Variants in CRYBG2 observed in about 807,000 individuals in gnomAD.
CRYBG2 encodes crystallin beta-gamma domain containing 2, also known as beta/gamma crystallin domain-containing protein 2.
CRYBG2 carries 106 observed loss-of-function variants against 153.4 expected under a neutral mutation model. That is an observed-to-expected ratio of 0.69 (90% confidence interval 0.59 to 0.81). CRYBG2 has a LOEUF of 0.81. Ranked by LOEUF, CRYBG2 falls within the 30% of genes least tolerant of loss-of-function variation. The pLI, the probability that CRYBG2 is intolerant of heterozygous loss-of-function variation, is 0.00. For synonymous variants in CRYBG2, 851 were observed against 877.8 expected (o/e 0.97, Z 0.54); for missense variants, 1,996 against 2,112.0 (o/e 0.95, Z 1.08).
chr1:26,344,159 TTCCTCC>T lies in CRYBG2; in HGVS notation c.2493_2498del (p.Glu832_Glu833del), dbSNP rs199784730. On this transcript the variant is annotated inframe_deletion, in exon 2 of 20. Transcript: ENST00000308182. ...CGTCACTCAGATAGGGGTTCTCTGG[TTCCTCC>T]TCCTCCTCCTCCTCTTTCTCTTCCA... is the stretch of plus-strand genomic sequence containing the variant. 2.6e-6 allele frequency: 4 copies of T among 1,535,086 alleles called. No homozygotes were observed. Among genetic ancestry groups the T allele is most frequent in the Non-Finnish European group, 2.6e-6 (3 of 1,146,100 alleles).
At position 26,346,330 on chromosome 1, in the gene CRYBG2, G is replaced by T; in HGVS notation, c.328C>A (p.Pro110Thr). Residue 110 changes from proline (P) to threonine (T), a missense_variant, in exon 2 of 20, where the codon CCT becomes ACT. Physicochemically the swap from Pro to Thr is conservative, Grantham distance 38. Coordinates refer to ENST00000308182, the MANE Select transcript of CRYBG2 (RefSeq NM_001039775.4). The surrounding 1 kb of genome is among the most constrained non-coding windows in gnomAD (Gnocchi z 4.9). ...KYIPPPKEKRPEGRLKEAVDQ... is the reference protein window; with the variant it reads ...KYIPPPKEKRTEGRLKEAVDQ... ...ACAGCCTCCTTCAGCCTCCCCTCAG[G>T]CCTTTTCTCCTTGGGAGGTGGTATG... is the stretch of plus-strand genomic sequence containing the variant. 6.3e-7 allele frequency: 1 copy of T among 1,599,428 alleles called. No individual in the cohort carries two copies. Among genetic ancestry groups the T allele is most frequent in the Non-Finnish European group, 8.5e-7 (1 of 1,179,780 alleles).
At position 26,337,559 on chromosome 1, in the gene CRYBG2, G is replaced by T; in HGVS notation, c.3623C>A (p.Ser1208Tyr). The T allele has an allele frequency of 6.2e-7, 1 of 1,612,648 alleles. No homozygotes were observed. ...TCACCAGCCTCCGAGAACTCTCAGGGACCCCACAGAGGCCAGGTGGGGGCT... is the reference window on the plus strand; with the variant it reads ...TCACCAGCCTCCGAGAACTCTCAGGTACCCCACAGAGGCCAGGTGGGGGCT... ...SQSPHLASVG[S>Y]LRVLGGCWVG... Residue 1208 changes from serine (S) to tyrosine (Y), a missense_variant, in exon 9 of 20, where the codon TCC (serine) becomes TAC (tyrosine). Coordinates refer to ENST00000308182, the MANE Select transcript of CRYBG2 (RefSeq NM_001039775.4).
chr1:26,328,349 T>A lies in CRYBG2; in HGVS notation c.4455-17A>T. 6.4e-7 allele frequency: 1 copy of A among 1,563,110 alleles called. No homozygotes were observed. Among genetic ancestry groups the A allele is most frequent in the South Asian group, 1.2e-5 (1 of 85,298 alleles). On this transcript the variant is annotated splice_polypyrimidine_tract_variant and intron_variant, in intron 16 of 19. Coordinates refer to ENST00000308182, the MANE Select transcript of CRYBG2 (RefSeq NM_001039775.4). ...AGCACCCAACTGGGCCCAGCAGGTG[T>A]CAGGGACACAGAGAAGAGCACAGAC...
chr1:26,323,197 C>T (rs953806985), intron 18 of CRYBG2, among the ~76,000 whole-genome samples: 5 of 151,872 alleles, frequency 3.3e-5, no homozygotes, highest in Admixed American at 6.6e-5. Context: ...CCTCCCACCT[C>T]GGCCTCCTGA....
chr1:26,324,023 T>G, intron 18 of CRYBG2, 129 bp downstream of exon 18: 1 of 972,470 alleles, frequency 1.0e-6, no homozygotes, highest in Non-Finnish European at 1.5e-6. Flanking sequence ...CAGTCTGCAC[T>G]CTCCCTCTCC....
intron 1 of CRYBG2, among the ~76,000 whole-genome samples, chr1:26,352,504 C>T (rs545222823): frequency 2.0e-5 from 3 of 152,290 alleles, no homozygotes; most frequent in East Asian, 3.9e-4. Context: ...TGGATGCACA[C>T]GTATCTTACA....
chr1:26,347,299 T>TTG, intron 1 of CRYBG2, among the ~76,000 whole-genome samples: 1 of 139,232 alleles, frequency 7.2e-6, no homozygotes, highest in Non-Finnish European at 1.6e-5. Context: ...TTTTTTTTTT[T>TTG]TTTTTTTTTT....
chr1:26,328,755 G>C lies in CRYBG2; in HGVS notation c.4433C>G (p.Ser1478Cys), dbSNP rs754188473. ...QAEGFNNHVL[S>C]VRIKGGIWVL... ...TCACATGCCCCCCTTGATCCGCACA[G>C]ACAGCACATGGTTGTTGAAGCCCTC... is the stretch of plus-strand genomic sequence containing the variant. The change falls in exon 16 of 20, where the codon TCT becomes TGT. Residue 1478 changes from serine to cysteine, a missense_variant. Physicochemically the swap from Ser to Cys is moderately radical, Grantham distance 112. Coordinates refer to ENST00000308182, the MANE Select transcript of CRYBG2 (RefSeq NM_001039775.4). 6.2e-7 allele frequency: 1 copy of C among 1,613,952 alleles called. No homozygotes were observed.
Position 26,346,057 on chromosome 1 carries a change from C to G in CRYBG2, c.601G>C (p.Val201Leu). The change falls in exon 2 of 20, where the codon GTG (valine) becomes CTG (leucine). Residue 201 changes from valine to leucine, a missense_variant. Val to Leu is a conservative substitution (Grantham distance 32). Coordinates refer to ENST00000308182, the MANE Select transcript of CRYBG2 (RefSeq NM_001039775.4). This position sits in a 1 kb window ranked among gnomAD's most constrained non-coding sequence, Gnocchi z 4.9. ...RMSSSVTVRP[V>L]SSGEALPRGR... ...CGTGGCAGGGCCTCGCCTGAGGACA[C>G]TGGCCTCACAGTCACAGAGCTGCTC... 1 of 1,588,782 alleles carries G rather than the reference C, an allele frequency of 6.3e-7. No individual in the cohort carries two copies. The highest frequency in any genetic ancestry group is 8.5e-7 in the Non-Finnish European group (1 of 1,174,108).
intron 18 of CRYBG2, among the ~76,000 whole-genome samples, chr1:26,323,481 C>T (rs1341443322): frequency 6.6e-5 from 10 of 152,142 alleles, no homozygotes; most frequent in Non-Finnish European, 1.5e-4. Flanking sequence ...CTATCTCTCC[C>T]CACTAGGATG....
rs767901856 is a variant in CRYBG2 at position 26,336,806 on chromosome 1, G to C, written c.3911+35C>G. 1.3e-6 allele frequency: 2 copies of C among 1,553,046 alleles called. No homozygotes were observed. Among genetic ancestry groups the C allele is most frequent in the Middle Eastern group, 1.9e-4 (1 of 5,278 alleles). On this transcript the variant is annotated intron_variant, in intron 11 of 19. Coordinates refer to ENST00000308182, the MANE Select transcript of CRYBG2 (RefSeq NM_001039775.4). The surrounding 1 kb of genome is among the most constrained non-coding windows in gnomAD (Gnocchi z 4.9). Reference sequence around the variant, plus strand: ...TCCTGGAACCGCCCCCGGCTCGCCCGGGCCCGCCCCGCTCCCGGAGCCCGG... The same window carrying C: ...TCCTGGAACCGCCCCCGGCTCGCCCCGGCCCGCCCCGCTCCCGGAGCCCGG...
intron 17 of CRYBG2, chr1:26,326,811 CA>C: frequency 1.9e-6 from 1 of 515,588 alleles, no homozygotes; most frequent in South Asian, 1.4e-5. Flanking sequence ...GGGAAAGCAC[CA>C]AAATCTGCAT....
chr1:26,328,987 C>A, intron 15 of CRYBG2, 114 bp from the exon 16 acceptor site: 1 of 1,323,796 alleles, frequency 7.6e-7, no homozygotes, highest in East Asian at 2.5e-5. Context: ...TTCTTCCCTC[C>A]TGAGCTCAGT....
intron 14 of CRYBG2, among the ~76,000 whole-genome samples, chr1:26,335,219 G>A (rs1167027332): frequency 6.6e-6 from 1 of 152,100 alleles, no homozygotes; most frequent in East Asian, 1.9e-4. Flanking sequence ...GCTCACGCCT[G>A]TAATCCCAGC....
chr1:26,347,811 C>G (rs1319000182), intron 1 of CRYBG2, among the ~76,000 whole-genome samples: 2 of 151,990 alleles, frequency 1.3e-5, no homozygotes, highest in Non-Finnish European at 2.9e-5. Flanking sequence ...TTATTTTGTA[C>G]TTTGAGGTCT....
rs1428798726 is a variant in CRYBG2 at position 26,336,586 on chromosome 1, C to T, written c.4038+20G>A. ...GGTCCCGCCACCGGGGAGGCCCCGC[C>T]CCCCGCGGCCGGCACGCACCTGTAG... is the stretch of plus-strand genomic sequence containing the variant. On this transcript the variant is annotated intron_variant, in intron 12 of 19. Transcript: ENST00000308182. The surrounding 1 kb of genome is among the most constrained non-coding windows in gnomAD (Gnocchi z 4.9). 1.9e-6 allele frequency: 3 copies of T among 1,544,652 alleles called. No homozygotes were observed. Among genetic ancestry groups the T allele is most frequent in the African/African-American group, 2.8e-5 (2 of 72,466 alleles).
At position 26,322,063 on chromosome 1, in the gene CRYBG2, G is replaced by C; in HGVS notation, c.4898-7C>G. On this transcript the variant is annotated splice_region_variant and splice_polypyrimidine_tract_variant and intron_variant, in intron 19 of 19. Coordinates refer to ENST00000308182, the MANE Select transcript of CRYBG2 (RefSeq NM_001039775.4). The stretch of plus-strand genomic sequence containing the variant: ...CGGTCGTAGCCCCGGCCTCCTGGGG[G>C]TGGGATGGGGATTAAAAGATAGGGA... The C allele has an allele frequency of 1.9e-6, 3 of 1,605,260 alleles. No homozygotes were observed. Among genetic ancestry groups the C allele is most frequent in the Non-Finnish European group, 2.6e-6 (3 of 1,173,088 alleles).
chr1:26,327,979 AAAG>A (rs2073952597), intron 17 of CRYBG2, among the ~76,000 whole-genome samples: 1 of 152,202 alleles, frequency 6.6e-6, no homozygotes, highest in South Asian at 2.1e-4. Context: ...AAGAGAAAAA[AAAG>A]CTTTTTTTAA....
At chr1:26,348,263 G>A (rs997135629) in intron 1 of CRYBG2, among the ~76,000 whole-genome samples, 2 of 152,196 alleles carry the variant, frequency 1.3e-5, no homozygotes, top group African/African-American at 2.4e-5. Flanking sequence ...AGGTCTAAAT[G>A]GAGCCTCTCA....
Sources: gnomAD v4.1 joint callset for allele counts (sites outside exome capture counted in the v4.1 genomes callset) on GRCh38, gnomAD v4.1.1 for gene constraint, Gnocchi (gnomAD v3.1) non-coding constraint, MANE v1.5 for transcripts, NCBI Gene and HGNC (gene_info 2026-07-23, HGNC 2026-07-21) for gene names.